The following TBC1D10A variants were observed in gnomAD, a reference collection of about 807,000 sequenced individuals.
TBC1D10A encodes TBC1 domain family member 10A, also known as EBP50-PDX interactor of 64 kDa.
Under a neutral mutation model 52.9 loss-of-function variants are expected in TBC1D10A, and 24 were observed. The observed-to-expected ratio is 0.45, with a 90% CI of 0.33 to 0.64. The LOEUF is 0.64. Among genes scored for constraint, TBC1D10A ranks in the 30% least tolerant of loss-of-function variants. The pLI, the probability that TBC1D10A is intolerant of heterozygous loss-of-function variation, is 0.02. For missense variants in TBC1D10A, 602 were observed against 687.9 expected (o/e 0.88, Z 1.40); for synonymous variants, 278 against 282.9 (o/e 0.98, Z 0.17).
Position 30,304,576 on chromosome 22 carries a change from G to T in TBC1D10A, c.264C>A (p.Asp88Glu), listed in dbSNP as rs1365195595. The T allele has an allele frequency of 4.3e-6, 7 of 1,613,944 alleles. No homozygotes were observed. Among genetic ancestry groups the T allele is most frequent in the Non-Finnish European group, 5.9e-6 (7 of 1,179,984 alleles). Residue 88 changes from aspartate to glutamate, a missense_variant, in exon 2 of 9, where the codon GAC becomes GAA. Around this residue, in one of 3 missense-constraint regions of TBC1D10A, gnomAD observed 201 missense variants for 204.4 expected, o/e 0.98. Transcript: ENST00000215790. ...VLRQRESKWL[D>E]MLNNWDKWMA... ...TCCATTTGTCCCAGTTGTTGAGCAT[G>T]TCCAGCCACTTGGACTCCCTCTGCC... is the stretch of plus-strand genomic sequence containing the variant.
chr22:30,308,128 T>G (rs1930347089), intron 1 of TBC1D10A, among the ~76,000 whole-genome samples: 1 of 152,224 alleles, frequency 6.6e-6, no homozygotes, highest in Non-Finnish European at 1.5e-5. Context: ...AATCCAAGGC[T>G]TAGTAATGTT....
chr22:30,305,878 A>G (rs182638741), intron 1 of TBC1D10A, among the ~76,000 whole-genome samples: 1 of 152,346 alleles, frequency 6.6e-6, no homozygotes, highest in East Asian at 1.9e-4. Flanking sequence ...AGGCCCCCTC[A>G]ACGCACTGAT....
At chr22:30,316,369 G>A (rs572132676) in intron 1 of TBC1D10A, among the ~76,000 whole-genome samples, 190 of 152,240 alleles carry the variant, frequency 1.2e-3, no homozygotes, top group African/African-American at 4.1e-3. Flanking sequence ...AGCATGCTGG[G>A]AGCAGTGGTT....
chr22:30,292,606 C>T lies in TBC1D10A; in HGVS notation c.1296G>A (p.Gln432=). The T allele has an allele frequency of 1.2e-6, 2 of 1,613,728 alleles. No individual in the cohort carries two copies. Among genetic ancestry groups the T allele is most frequent in the Non-Finnish European group, 8.5e-7 (1 of 1,179,870 alleles). Residue 432 remains glutamine (Q), a synonymous_variant, in exon 9 of 9, where the codon CAG becomes CAA. Coordinates refer to ENST00000215790, the MANE Select transcript of TBC1D10A (RefSeq NM_031937.3). ...KAKPKPPKQA[Q]KEQRKQMKGR... ...CCTTCATCTGTTTCCGCTGCTCCTT[C>T]TGGGCCTGCTTGGGTGGCTTGGGCT...
At chr22:30,315,873 G>C (rs1930525777) in intron 1 of TBC1D10A, among the ~76,000 whole-genome samples, 1 of 152,148 alleles carries the variant, frequency 6.6e-6, no homozygotes, top group African/African-American at 2.4e-5. Context: ...GCAGACACTT[G>C]GGGCTGGGCT....
rs1235776979 is a variant in TBC1D10A at position 30,308,300 on chromosome 22, ATGCCTGCCTGCC to A, written c.210-3682_210-3671del. ...ACAGCCTGCATGCCTGCATGCCTGC[ATGCCTGCCTGCC>A]TGCATGCCTGCATGCCTGCATGCCT... On this transcript the variant is annotated intron_variant, in intron 1 of 8. Transcript: ENST00000215790. Among the ~76,000 whole-genome samples the A allele has an allele frequency of 3.2e-3, 287 of 89,162 alleles. 4 individuals carry two copies. The highest frequency in any genetic ancestry group is 0.011 in the African/African-American group (272 of 24,778). 58.5% of individuals were successfully genotyped at this position (89,162 alleles called of 152,430 possible).
chr22:30,300,449 A>G (rs1930179354), intron 2 of TBC1D10A: 1 of 131,718 alleles, frequency 7.6e-6, no homozygotes, highest in South Asian at 2.9e-4. Context: ...ACTCTGTTTC[A>G]GGAAAAAAAA....
At chr22:30,296,144 G>A (rs1018625894) in intron 3 of TBC1D10A, 105 of 347,712 alleles carry the variant, frequency 3.0e-4, no homozygotes, top group East Asian at 5.5e-4. Flanking sequence ...CATTTCATTC[G>A]GGAGTCAGAT....
At chr22:30,318,119 G>T (rs780810184) in intron 1 of TBC1D10A, among the ~76,000 whole-genome samples, 1 of 152,090 alleles carries the variant, frequency 6.6e-6, no homozygotes, top group African/African-American at 2.4e-5. Context: ...AGTGCTGAGG[G>T]GTTTGCCTTC....
intron 3 of TBC1D10A, chr22:30,299,095 G>A: frequency 4.6e-6 from 1 of 217,030 alleles, no homozygotes. Flanking sequence ...GAAATGGTCT[G>A]AGTGTCCCCT....
chr22:30,312,890 C>A (rs546357693), intron 1 of TBC1D10A, among the ~76,000 whole-genome samples: 15 of 152,236 alleles, frequency 9.9e-5, no homozygotes, highest in African/African-American at 3.6e-4. Context: ...AAAATGTGGT[C>A]CCTGCCCTTG....
chr22:30,324,193 G>A (rs1309329334), intron 1 of TBC1D10A, among the ~76,000 whole-genome samples: 3 of 152,126 alleles, frequency 2.0e-5, no homozygotes, highest in Admixed American at 2.0e-4. Flanking sequence ...GTACCCATGA[G>A]GGCTAACGTT....
intron 1 of TBC1D10A, chr22:30,318,616 G>C: frequency 2.1e-6 from 1 of 471,160 alleles, no homozygotes; most frequent in Non-Finnish European, 4.4e-6. Flanking sequence ...AATGGACTCT[G>C]TAAGAGGCCA....
intron 1 of TBC1D10A, among the ~76,000 whole-genome samples, chr22:30,307,035 C>T (rs1486356469): frequency 6.6e-6 from 1 of 152,142 alleles, no homozygotes; most frequent in East Asian, 1.9e-4. Flanking sequence ...TCCTCAGTTT[C>T]GCTATATGCT....
At chr22:30,304,492 G>A (rs1322132035) in intron 2 of TBC1D10A, 39 bp downstream of exon 2, 7 of 1,612,656 alleles carry the variant, frequency 4.3e-6, no homozygotes, top group Non-Finnish European at 5.9e-6. Flanking sequence ...TCCCCAAGCT[G>A]CCAACTCCCA....
intron 8 of TBC1D10A, 159 bp from the exon 9 acceptor site, chr22:30,293,010 G>A (rs1434504583): frequency 1.9e-5 from 14 of 733,110 alleles, no homozygotes; most frequent in African/African-American, 5.3e-5. Context: ...CTGCAGTCAC[G>A]AGCCCCACAG....
chr22:30,312,080 ACTG>A (rs1930437363), intron 1 of TBC1D10A, among the ~76,000 whole-genome samples: 1 of 152,210 alleles, frequency 6.6e-6, no homozygotes, highest in Non-Finnish European at 1.5e-5. Context: ...GGTATTAGTG[ACTG>A]AGTGCCGCCT....
intron 8 of TBC1D10A, 136 bp from the exon 9 acceptor site, chr22:30,292,987 G>T: frequency 1.0e-6 from 1 of 985,340 alleles, no homozygotes; most frequent in Non-Finnish European, 1.5e-6. Context: ...AAGGATGAGG[G>T]TCTAGTCCCA....
rs763735690 is a variant in TBC1D10A, at chr22:30,294,926, G to A, written c.639+15C>T. Reference sequence around the variant, plus strand: ...TCCCCACCCACCCCCCTGCCTGCCCGGGGCCTGGTGGTACCTCAGCAGGCA... The same window carrying A: ...TCCCCACCCACCCCCCTGCCTGCCCAGGGCCTGGTGGTACCTCAGCAGGCA... On this transcript the variant is annotated intron_variant, in intron 5 of 8. Transcript: ENST00000215790. 29 of 1,613,808 alleles carry A rather than the reference G, an allele frequency of 1.8e-5. No homozygotes were observed. Among genetic ancestry groups the A allele is most frequent in the African/African-American group, 6.7e-5 (5 of 74,928 alleles).
Sources: allele counts gnomAD v4.1 joint callset (sites outside exome capture counted in the v4.1 genomes callset), GRCh38; gene constraint gnomAD v4.1.1; regional missense constraint gnomAD v4.1.1; transcripts MANE v1.5; gene names NCBI Gene and HGNC (gene_info 2026-07-23, HGNC 2026-07-21).